MARCHF1: variants seen among roughly 807,000 people sequenced by gnomAD.
MARCHF1 encodes membrane associated ring-CH-type finger 1.
A neutral mutation model predicts 54.2 loss-of-function variants in MARCHF1; 40 were observed. The ratio of observed to expected loss-of-function variants is 0.74; its 90% CI spans 0.57 to 0.96. The LOEUF (loss-of-function observed/expected upper bound fraction) is 0.96. Ranked by LOEUF, MARCHF1 falls within the 40% of genes least tolerant of loss-of-function variation. MARCHF1 has a pLI of 0.00. For synonymous variants in MARCHF1, 236 were observed against 236.3 expected (o/e 1.00, Z 0.01); for missense variants, 586 against 656.5 (o/e 0.89, Z 1.17).
intron 4 of MARCHF1, among the ~76,000 whole-genome samples, chr4:163,716,943 A>G (rs1340536889): frequency 6.6e-6 from 1 of 151,444 alleles, no homozygotes; most frequent in East Asian, 2.0e-4. Flanking sequence ...TTACTGTTTT[A>G]TTATTAAATT....
intron 3 of MARCHF1, among the ~76,000 whole-genome samples, chr4:163,943,592 G>A (rs189304993): frequency 2.6e-5 from 4 of 152,166 alleles, no homozygotes. Context: ...TAGATGTAGG[G>A]TGGAAGTTGG....
At chr4:163,601,211 T>A (rs1740952191) in intron 7 of MARCHF1, among the ~76,000 whole-genome samples, 1 of 152,102 alleles carries the variant, frequency 6.6e-6, no homozygotes, top group Non-Finnish European at 1.5e-5. Flanking sequence ...ATGCAGAAAA[T>A]CTTCAAGCTA....
intron 1 of MARCHF1, among the ~76,000 whole-genome samples, chr4:164,382,242 C>A (rs987975766): frequency 2.0e-5 from 3 of 151,998 alleles, no homozygotes; most frequent in Non-Finnish European, 2.9e-5. Context: ...CAAACTTTAT[C>A]AAAAGAGCAA....
chr4:163,663,419 G>A (rs1168446791), intron 5 of MARCHF1, among the ~76,000 whole-genome samples: 1 of 151,792 alleles, frequency 6.6e-6, no homozygotes, highest in African/African-American at 2.4e-5. Flanking sequence ...TCTCACTGCT[G>A]GAGATTTTTC....
At chr4:163,609,879 G>T (rs1741275312) in intron 7 of MARCHF1, among the ~76,000 whole-genome samples, 3 of 151,794 alleles carry the variant, frequency 2.0e-5, no homozygotes, top group Non-Finnish European at 4.4e-5. Flanking sequence ...TGAAAACATG[G>T]ATTTACAGCA....
intron 5 of MARCHF1, among the ~76,000 whole-genome samples, chr4:163,699,769 T>C (rs1221603205): frequency 6.6e-6 from 1 of 152,178 alleles, no homozygotes; most frequent in East Asian, 1.9e-4. Flanking sequence ...TTTTCCATTT[T>C]GACAAATGAC....
intron 4 of MARCHF1, among the ~76,000 whole-genome samples, chr4:163,789,684 C>T (rs1417432883): frequency 6.6e-6 from 1 of 151,838 alleles, no homozygotes; most frequent in Non-Finnish European, 1.5e-5. Context: ...TGATACATGC[C>T]TATGAAAAAG....
intron 2 of MARCHF1, among the ~76,000 whole-genome samples, chr4:164,069,366 G>A (rs1027096424): frequency 3.9e-5 from 6 of 152,150 alleles, no homozygotes; most frequent in Admixed American, 6.5e-5. Flanking sequence ...TCCACACTGC[G>A]GAAGCTTTGT....
At chr4:164,176,978 CTCTATA>C (rs1199267856) in intron 1 of MARCHF1, among the ~76,000 whole-genome samples, 187 of 38,830 alleles carry the variant, frequency 4.8e-3, no homozygotes, top group African/African-American at 7.4e-3. Flanking sequence ...CTCTCTCTCT[CTCTATA>C]TATATATATA....
chr4:163,838,467 G>T (rs1242545687), intron 4 of MARCHF1, among the ~76,000 whole-genome samples: 1 of 151,890 alleles, frequency 6.6e-6, no homozygotes, highest in Admixed American at 6.6e-5. Flanking sequence ...CCACATAAAT[G>T]GAACCCATGG....
At chr4:164,262,360 T>G (rs1392553012) in intron 1 of MARCHF1, among the ~76,000 whole-genome samples, 1 of 152,126 alleles carries the variant, frequency 6.6e-6, no homozygotes, top group African/African-American at 2.4e-5. Flanking sequence ...TCACTTTGCA[T>G]GTTTAAGCAA....
intron 1 of MARCHF1, among the ~76,000 whole-genome samples, chr4:164,351,585 G>A (rs1357858792): frequency 6.6e-6 from 1 of 152,200 alleles, no homozygotes; most frequent in South Asian, 2.1e-4. Context: ...CAAACAGAAA[G>A]GACATCCACA....
chr4:163,719,974 G>T (rs1444319348), intron 4 of MARCHF1, among the ~76,000 whole-genome samples: 1 of 152,110 alleles, frequency 6.6e-6, no homozygotes, highest in African/African-American at 2.4e-5. Context: ...CCATTCTGTA[G>T]GTTGCCTGTT....
chr4:163,628,084 A>G (rs1200331285), intron 5 of MARCHF1, among the ~76,000 whole-genome samples: 1 of 152,210 alleles, frequency 6.6e-6, no homozygotes, highest in African/African-American at 2.4e-5. Flanking sequence ...GATAAATTAG[A>G]CAATATAAAA....
intron 1 of MARCHF1, among the ~76,000 whole-genome samples, chr4:164,170,970 C>G (rs1464787214): frequency 1.3e-5 from 2 of 151,938 alleles, no homozygotes; most frequent in African/African-American, 4.8e-5. Context: ...GAAAATCTGA[C>G]AAAATTAATT....
intron 1 of MARCHF1, among the ~76,000 whole-genome samples, chr4:164,199,707 G>GAGAGAGAGAGAGAT (rs1731399852): frequency 6.9e-6 from 1 of 144,022 alleles, no homozygotes; most frequent in African/African-American, 2.6e-5. Context: ...GAGAGAGAGA[G>GAGAGAGAGAGAGAT]AGAGAAGAGA....
At chr4:163,967,264 G>A (rs1317562001) in intron 3 of MARCHF1, among the ~76,000 whole-genome samples, 1 of 152,154 alleles carries the variant, frequency 6.6e-6, no homozygotes, top group Admixed American at 6.5e-5. Flanking sequence ...AATTTAACTT[G>A]TTGACAGAGG....
At chr4:164,285,657 C>T (rs1734127175) in intron 1 of MARCHF1, among the ~76,000 whole-genome samples, 2 of 151,544 alleles carry the variant, frequency 1.3e-5, no homozygotes, top group East Asian at 2.0e-4. Context: ...TTAGCCAGGA[C>T]AGTCTCGATC....
At chr4:164,275,544 C>T (rs374673233) in intron 1 of MARCHF1, among the ~76,000 whole-genome samples, 2 of 152,134 alleles carry the variant, frequency 1.3e-5, no homozygotes, top group East Asian at 1.9e-4. Context: ...TTTCCTTGTC[C>T]CTTGACATAA....
Sources: allele counts gnomAD v4.1 joint callset (sites outside exome capture counted in the v4.1 genomes callset), GRCh38; gene constraint gnomAD v4.1.1; transcripts MANE v1.5; gene names NCBI Gene and HGNC (gene_info 2026-07-23, HGNC 2026-07-21).